Variants in SCCPDH observed in about 807,000 individuals in gnomAD.
The protein encoded by SCCPDH is saccharopine dehydrogenase (putative), also known as saccharopine dehydrogenase-like oxidoreductase.
In SCCPDH, 34 loss-of-function variants were observed where a neutral mutation model predicts 51.5. The ratio of observed to expected loss-of-function variants is 0.66; its 90% CI spans 0.50 to 0.88. SCCPDH has a LOEUF of 0.88. Ranked by LOEUF, SCCPDH falls within the 40% of genes least tolerant of loss-of-function variation. SCCPDH has a pLI of 0.00. For missense variants in SCCPDH, 464 were observed against 527.1 expected (o/e 0.88, Z 1.17); for synonymous variants, 187 against 191.3 (o/e 0.98, Z 0.19).
chr1:246,755,998 A>G (rs1668925197), intron 5 of SCCPDH, among the ~76,000 whole-genome samples: 1 of 152,222 alleles, frequency 6.6e-6, no homozygotes, highest in Non-Finnish European at 1.5e-5. Flanking sequence ...TCAAGTTTAG[A>G]TGGATTGTGG....
chr1:246,767,215 G>A lies in SCCPDH; in HGVS notation c.1205G>A (p.Gly402Glu). The A allele has an allele frequency of 6.2e-7, 1 of 1,610,244 alleles. No homozygotes were observed. Among genetic ancestry groups the A allele is most frequent in the Non-Finnish European group, 8.5e-7 (1 of 1,177,860 alleles). ...LPKAGGVFTP[G>E]AAFSKTKLID... The stretch of plus-strand genomic sequence containing the variant: ...TATAGGGGCGGGGTCTTCACACCTG[G>A]AGCAGCTTTTTCCAAAACAAAGTTG... Residue 402 changes from glycine to glutamate, a missense_variant, in exon 12 of 12, where the codon GGA becomes GAA. Physicochemically the swap from Gly to Glu is moderately conservative, Grantham distance 98. Coordinates refer to ENST00000366510, the MANE Select transcript of SCCPDH (RefSeq NM_016002.3).
chr1:246,731,699 A>G (rs1005346804), intron 2 of SCCPDH, among the ~76,000 whole-genome samples: 2 of 151,790 alleles, frequency 1.3e-5, no homozygotes, highest in African/African-American at 4.9e-5. Context: ...TTTGTACTAT[A>G]TACTGTAGGG....
intron 2 of SCCPDH, among the ~76,000 whole-genome samples, chr1:246,728,713 G>T (rs1668439272): frequency 1.3e-5 from 2 of 151,948 alleles, no homozygotes; most frequent in African/African-American, 2.4e-5. Flanking sequence ...ATAGAAGCTG[G>T]TTAATAACAG....
intron 5 of SCCPDH, among the ~76,000 whole-genome samples, chr1:246,750,875 A>G (rs1195708574): frequency 6.6e-6 from 1 of 152,152 alleles, no homozygotes; most frequent in Non-Finnish European, 1.5e-5. Flanking sequence ...TAATCTTTTT[A>G]TAGTTTGTTT....
chr1:246,760,282 G>A (rs1668993048), intron 9 of SCCPDH, 55 bp downstream of exon 9: 1 of 1,441,938 alleles, frequency 6.9e-7, no homozygotes, highest in African/African-American at 1.4e-5. Flanking sequence ...TGCAATGACG[G>A]TATCATCTAA....
At chr1:246,747,172 T>C (rs1572300031) in intron 5 of SCCPDH, among the ~76,000 whole-genome samples, 1 of 152,228 alleles carries the variant, frequency 6.6e-6, no homozygotes, top group African/African-American at 2.4e-5. Flanking sequence ...CTCTTTCTTT[T>C]CTTCTGCTTT....
chr1:246,760,557 A>T (rs6694062), intron 9 of SCCPDH, among the ~76,000 whole-genome samples: 6,711 of 151,678 alleles, frequency 0.044, 486 homozygotes, highest in African/African-American at 0.15. Context: ...TTCTTCCTCC[A>T]TTTTTCTCCT....
chr1:246,755,440 G>T (rs1021902316), intron 5 of SCCPDH: 1 of 152,122 alleles, frequency 6.6e-6, no homozygotes, highest in East Asian at 1.9e-4. Context: ...ATGGTAAAGG[G>T]GCTTTTCCTA....
rs756368114 is a variant in SCCPDH at position 246,759,125 on chromosome 1, T to C, written c.787T>C (p.Leu263=). Reference sequence around the variant, plus strand: ...TGTTGTAAGGAGGACTCAACGTTACTTGTATGAAAATTTAGAGGAATCACC... The same window carrying C: ...TGTTGTAAGGAGGACTCAACGTTACCTGTATGAAAATTTAGAGGAATCACC... ...VSVVRRTQRY[L]YENLEESPVQ... Residue 263 remains leucine (L), a synonymous_variant, in exon 7 of 12, where the codon TTG becomes CTG. Coordinates refer to ENST00000366510, the MANE Select transcript of SCCPDH (RefSeq NM_016002.3). 1.3e-6 allele frequency: 2 copies of C among 1,589,970 alleles called. No individual in the cohort carries two copies. Among genetic ancestry groups the C allele is most frequent in the Admixed American group, 3.3e-5 (2 of 59,980 alleles).
At position 246,736,967 on chromosome 1, in the gene SCCPDH, A is replaced by G. The variant is rs920375795; in HGVS notation, c.384+912A>G. Among the ~76,000 whole-genome samples the G allele has an allele frequency of 3.9e-5, 6 of 152,178 alleles. No homozygotes were observed. The East Asian group carries it at 9.6e-4, about 24-fold the overall frequency. ...CACTCAGTAATGCACCTAGTAATGC[A>G]CCTAGTAATGCACCTAGTAAGTAGA... On this transcript the variant is annotated intron_variant, in intron 3 of 11. Coordinates refer to ENST00000366510, the MANE Select transcript of SCCPDH (RefSeq NM_016002.3).
chr1:246,760,280 C>A, intron 9 of SCCPDH, 53 bp downstream of exon 9: 1 of 1,452,880 alleles, frequency 6.9e-7, no homozygotes, highest in Non-Finnish European at 9.5e-7. Flanking sequence ...TGTGCAATGA[C>A]GGTATCATCT....
At chr1:246,724,870 T>C (rs61852474) in intron 1 of SCCPDH, among the ~76,000 whole-genome samples, 34,306 of 152,120 alleles carry the variant, frequency 0.23, 4,067 homozygotes, top group East Asian at 0.3. Flanking sequence ...TCCCGCTTTT[T>C]GCATTTCTGC....
intron 1 of SCCPDH, among the ~76,000 whole-genome samples, chr1:246,726,430 G>T (rs1029484071): frequency 1.3e-5 from 2 of 151,404 alleles, no homozygotes; most frequent in African/African-American, 2.4e-5. Flanking sequence ...TAGAGACAAG[G>T]TCTTGCTATG....
chr1:246,740,907 T>A (rs750866667), intron 4 of SCCPDH, among the ~76,000 whole-genome samples: 22 of 151,836 alleles, frequency 1.4e-4, no homozygotes, highest in Non-Finnish European at 3.1e-4. Context: ...ATAGTAAGAC[T>A]CGTCCCTAAG....
chr1:246,732,144 G>A lies in SCCPDH; in HGVS notation c.304-3831G>A, dbSNP rs115830690. Among the ~76,000 whole-genome samples, 153 of 152,192 alleles carry A rather than the reference G, an allele frequency of 1.0e-3. 1 individual carries two copies. Among genetic ancestry groups the A allele is most frequent in the Non-Finnish European group, 1.8e-3 (121 of 68,030 alleles). ...AAGAGTGGATATGTTATAGGAGTGAGGCAGGAGGAAAGGTGACATCACATT... is the reference window on the plus strand; with the variant it reads ...AAGAGTGGATATGTTATAGGAGTGAAGCAGGAGGAAAGGTGACATCACATT... On this transcript the variant is annotated intron_variant, in intron 2 of 11. Transcript: ENST00000366510.
At chr1:246,741,937 T>C (rs1471499093) in intron 4 of SCCPDH, among the ~76,000 whole-genome samples, 2 of 152,256 alleles carry the variant, frequency 1.3e-5, no homozygotes, top group South Asian at 2.1e-4. Context: ...GTCGTGGTGA[T>C]GTGCAACTGT....
chr1:246,730,538 C>T (rs1668477228), intron 2 of SCCPDH, among the ~76,000 whole-genome samples: 1 of 152,202 alleles, frequency 6.6e-6, no homozygotes, highest in Non-Finnish European at 1.5e-5. Context: ...TGGAAACTTT[C>T]CCACAACCCC....
rs529572863 is a variant in SCCPDH, at chr1:246,732,636, C to T, written c.304-3339C>T. ...CTCCTGACCTCAGGTGATCCACCTG[C>T]CTCGGCCTCCCAAAGTGCTGGGATT... On this transcript the variant is annotated intron_variant, in intron 2 of 11. Transcript: ENST00000366510. Among the ~76,000 whole-genome samples the T allele has an allele frequency of 7.9e-5, 12 of 152,326 alleles. No homozygotes were observed. The South Asian group carries it at 1.2e-3, about 16-fold the overall frequency.
At chr1:246,738,241 G>A (rs181014744) in intron 3 of SCCPDH, among the ~76,000 whole-genome samples, 20 of 151,668 alleles carry the variant, frequency 1.3e-4, no homozygotes, top group Middle Eastern at 6.8e-3. Flanking sequence ...GGCTGGGTGC[G>A]GTGGCTCACA....
Sources: allele counts gnomAD v4.1 joint callset (sites outside exome capture counted in the v4.1 genomes callset), GRCh38; gene constraint gnomAD v4.1.1; transcripts MANE v1.5; gene names NCBI Gene and HGNC (gene_info 2026-07-23, HGNC 2026-07-21).